Variants in CEP43 observed in about 807,000 individuals in gnomAD.
CEP43 encodes FGFR1 oncogene partner.
In CEP43, 36 loss-of-function variants were observed where a neutral mutation model predicts 52.6. The observed-to-expected ratio is 0.68, with a 90% CI of 0.52 to 0.90. CEP43 has a LOEUF of 0.90. Ranked by LOEUF, CEP43 falls within the 40% of genes least tolerant of loss-of-function variation. The pLI, the probability that CEP43 is intolerant of heterozygous loss-of-function variation, is 0.00. For missense variants in CEP43, 506 were observed against 472.8 expected (o/e 1.07, Z -0.65); for synonymous variants, 192 against 172.4 (o/e 1.11, Z -0.89).
rs1026358216 is a variant in CEP43 at position 167,027,857 on chromosome 6, C to T, written c.988+1242C>T. Reference sequence around the variant, plus strand: ...TTTTCTTTTTACGTTACTTTTCCCCCCATTTGCAGAAGAATAAATGTTCCC... The same window carrying T: ...TTTTCTTTTTACGTTACTTTTCCCCTCATTTGCAGAAGAATAAATGTTCCC... On this transcript the variant is annotated intron_variant, in intron 10 of 12. Coordinates refer to ENST00000366847, the MANE Select transcript of CEP43 (RefSeq NM_007045.4). The T allele has an allele frequency of 1.2e-5, 12 of 985,386 alleles. No individual in the cohort carries two copies. In the South Asian group the frequency reaches 2.3e-4, roughly 19 times the overall value. 61.0% of individuals were successfully genotyped at this position (985,386 alleles called of 1,614,324 possible).
chr6:167,036,533 C>A, intron 12 of CEP43: 1 of 985,398 alleles, frequency 1.0e-6, no homozygotes, highest in Non-Finnish European at 1.2e-6. Flanking sequence ...GTGTGCATCC[C>A]AGGTTTCTGT....
chr6:167,003,538 C>A (rs1229979377), intron 3 of CEP43, 185 bp from the exon 4 acceptor site: 5 of 557,614 alleles, frequency 9.0e-6, no homozygotes, highest in Non-Finnish European at 1.6e-5. Context: ...GACTGATGAT[C>A]CCAGTGAAAA....
At chr6:167,019,285 CCTGCTGTGCACACGCGTACACCTG>C (rs1780172827) in intron 7 of CEP43, among the ~76,000 whole-genome samples, 1 of 148,100 alleles carries the variant, frequency 6.8e-6, no homozygotes, top group Non-Finnish European at 1.5e-5. Flanking sequence ...CACACATACA[CCTGCTGTGCACACGCGTACACCTG>C]CTGTGCACAC....
chr6:167,026,302 G>A (rs1027794952), intron 9 of CEP43, among the ~76,000 whole-genome samples: 37 of 152,256 alleles, frequency 2.4e-4, no homozygotes, highest in African/African-American at 8.7e-4. Flanking sequence ...GGCAGAGGTT[G>A]CAGTGAGCTG....
intron 5 of CEP43, among the ~76,000 whole-genome samples, chr6:167,009,493 C>CT (rs1224293595): frequency 1.2e-5 from 1 of 85,650 alleles, no homozygotes; most frequent in Admixed American, 1.9e-4. Context: ...GAGCGAGACT[C>CT]TGTCTCAAAA....
chr6:167,033,998 G>C, intron 12 of CEP43, 27 bp downstream of exon 12: 1 of 1,136,006 alleles, frequency 8.8e-7, no homozygotes. Flanking sequence ...TTCCCATAGA[G>C]TGCTTTTTTT....
At position 167,051,336 on chromosome 6, in the gene CEP43, A is replaced by C. The variant is rs969730166; in HGVS notation, c.*11358A>C. On this transcript the variant is annotated 3_prime_UTR_variant, in exon 13 of 13. Transcript: ENST00000366847. ...TGGTAGCCTTTCATTAGTTTTACAA[A>C]GGCAGTTTAATTTTGGGGGGCAGGG... The C allele has an allele frequency of 6.6e-6, 1 of 152,224 alleles. No homozygotes were observed. Among genetic ancestry groups the C allele is most frequent in the African/African-American group, 2.4e-5 (1 of 41,470 alleles). The allele number at this position is 152,224 out of a possible 1,614,324, so 9.4% of individuals were successfully genotyped here.
At chr6:167,004,070 T>A (rs1034128967) in intron 4 of CEP43, 194 bp from the exon 5 acceptor site, 10 of 617,734 alleles carry the variant, frequency 1.6e-5, no homozygotes, top group Non-Finnish European at 2.4e-5. Flanking sequence ...AGAGTGCACC[T>A]GTTAATGGAA....
At chr6:167,021,072 GAAA>G (rs5881725) in intron 7 of CEP43, among the ~76,000 whole-genome samples, 4 of 143,932 alleles carry the variant, frequency 2.8e-5, no homozygotes, top group African/African-American at 7.8e-5. Flanking sequence ...TCTTAAAAAA[GAAA>G]AAAAAAAAAA....
intron 10 of CEP43, among the ~76,000 whole-genome samples, chr6:167,027,426 A>G (rs929564449): frequency 2.0e-5 from 3 of 152,002 alleles, no homozygotes; most frequent in Non-Finnish European, 4.4e-5. Flanking sequence ...GCCACTTCCT[A>G]TGCTCTCTGT....
chr6:167,032,716 A>G (rs1780497926), intron 11 of CEP43, 74 bp downstream of exon 11: 1 of 1,322,578 alleles, frequency 7.6e-7, no homozygotes, highest in Non-Finnish European at 1.0e-6. Context: ...AGACAAGACA[A>G]AATTACATTT....
At chr6:167,005,507 C>T (rs1470383836) in intron 5 of CEP43, among the ~76,000 whole-genome samples, 2 of 152,070 alleles carry the variant, frequency 1.3e-5, no homozygotes, top group South Asian at 2.1e-4. Context: ...AGTTGTGGGG[C>T]GAGGATTGGG....
intron 10 of CEP43, chr6:167,028,424 T>A: frequency 3.0e-6 from 3 of 985,230 alleles, no homozygotes; most frequent in Non-Finnish European, 3.6e-6. Context: ...AGGTGAGAAC[T>A]ACCAGTTCAC....
chr6:167,040,776 G>A lies in CEP43; in HGVS notation c.*798G>A. ...AATGCATCTGAAACCATTAAGCAGTGCTTTTATTTCAGATCTGTAAGTTAA... is the reference window on the plus strand; with the variant it reads ...AATGCATCTGAAACCATTAAGCAGTACTTTTATTTCAGATCTGTAAGTTAA... On this transcript the variant is annotated 3_prime_UTR_variant, in exon 13 of 13. Coordinates refer to ENST00000366847, the MANE Select transcript of CEP43 (RefSeq NM_007045.4). The A allele has an allele frequency of 9.9e-7, 1 of 1,009,016 alleles. No homozygotes were observed. Among genetic ancestry groups the A allele is most frequent in the Non-Finnish European group, 1.2e-6 (1 of 839,704 alleles). The allele number at this position is 1,009,016 out of a possible 1,614,324, so 62.5% of individuals were successfully genotyped here.
intron 5 of CEP43, among the ~76,000 whole-genome samples, chr6:167,008,191 G>T (rs371292002): frequency 1.3e-5 from 2 of 151,668 alleles, no homozygotes; most frequent in African/African-American, 4.8e-5. Context: ...CTACTTGAAA[G>T]TGGCTTGTGT....
chr6:167,038,288 G>A (rs958830843), intron 12 of CEP43, among the ~76,000 whole-genome samples: 2 of 152,166 alleles, frequency 1.3e-5, no homozygotes, highest in African/African-American at 4.8e-5. Flanking sequence ...TCCATGGGCC[G>A]TCCTGTCTGC....
In CEP43 at chr6:167,025,034, A is replaced by AAT. The variant is rs1206319281; in HGVS notation, c.919+143_919+144dup. 8.1e-6 allele frequency: 5 copies of AAT among 614,526 alleles called. No homozygotes were observed. The East Asian group carries it at 1.4e-4, about 17-fold the overall frequency. The allele number at this position is 614,526 out of a possible 1,614,324, so 38.1% of individuals were successfully genotyped here. On this transcript the variant is annotated intron_variant, in intron 9 of 12. Coordinates refer to ENST00000366847, the MANE Select transcript of CEP43 (RefSeq NM_007045.4). ...TTATCACTCAGAGATATTTCCTGTTAATATTTTGTTGTGTTTTGTTACTTC... is the reference window on the plus strand; with the variant it reads ...TTATCACTCAGAGATATTTCCTGTTAATATATTTTGTTGTGTTTTGTTACTTC...
intron 5 of CEP43, among the ~76,000 whole-genome samples, chr6:167,008,795 C>T (rs547152725): frequency 1.2e-4 from 18 of 151,532 alleles, no homozygotes; most frequent in Admixed American, 7.9e-4. Context: ...TTTTAACATA[C>T]TGTTCACAGT....
At position 167,047,442 on chromosome 6, in the gene CEP43, G is replaced by A. The variant is rs945084991; in HGVS notation, c.*7464G>A. On this transcript the variant is annotated 3_prime_UTR_variant, in exon 13 of 13. Transcript: ENST00000366847. ...TATTCTCAGTTTTCTCATCTGTAAA[G>A]GGGATTAAATACTTCCTTCCCTTAC... 2.6e-5 allele frequency: 4 copies of A among 152,172 alleles called. No individual in the cohort carries two copies. Among genetic ancestry groups the A allele is most frequent in the African/African-American group, 9.7e-5 (4 of 41,434 alleles). 9.4% of individuals were successfully genotyped at this position (152,172 alleles called of 1,614,324 possible).
Sources: allele counts gnomAD v4.1 joint callset (sites outside exome capture counted in the v4.1 genomes callset), GRCh38; gene constraint gnomAD v4.1.1; transcripts MANE v1.5; gene names NCBI Gene and HGNC (gene_info 2026-07-23, HGNC 2026-07-21).